AUTS2: variants seen among roughly 807,000 people sequenced by gnomAD.
AUTS2 encodes the protein activator of transcription and developmental regulator AUTS2, also known as autism susceptibility gene 2 protein.
Under a neutral mutation model 112.4 loss-of-function variants are expected in AUTS2, and 17 were observed. The observed-to-expected ratio is 0.15, with a 90% CI of 0.10 to 0.23. The LOEUF (loss-of-function observed/expected upper bound fraction) is 0.23. Ranked by LOEUF, AUTS2 falls within the 10% of genes least tolerant of loss-of-function variation. The probability of loss-of-function intolerance (pLI) is 1.00; values close to 1 mark genes in which losing one functional copy is unlikely to be tolerated. For missense variants in AUTS2, 1,510 were observed against 1,701.6 expected (o/e 0.89, Z 1.98); for synonymous variants, 751 against 702.7 (o/e 1.07, Z -1.09).
intron 2 of AUTS2, among the ~76,000 whole-genome samples, chr7:69,980,688 G>A (rs1241664538): frequency 1.3e-5 from 2 of 152,068 alleles, no homozygotes; most frequent in South Asian, 2.1e-4. Flanking sequence ...GTAGAGCAGC[G>A]GTTTGCATCT....
intron 5 of AUTS2, among the ~76,000 whole-genome samples, chr7:70,511,736 C>T (rs548813417): frequency 1.3e-5 from 2 of 151,832 alleles, no homozygotes; most frequent in Non-Finnish European, 2.9e-5. Flanking sequence ...CCACCATGCT[C>T]AGCTAATTTT....
intron 5 of AUTS2, among the ~76,000 whole-genome samples, chr7:70,562,777 G>A (rs1053593893): frequency 5.3e-5 from 8 of 152,186 alleles, no homozygotes; most frequent in African/African-American, 1.4e-4. Flanking sequence ...GAAGCCATGC[G>A]TTATGAAGAA....
chr7:70,509,747 C>T (rs1006633784), intron 5 of AUTS2, among the ~76,000 whole-genome samples: 3 of 152,130 alleles, frequency 2.0e-5, no homozygotes, highest in African/African-American at 7.2e-5. Flanking sequence ...ATTTTACTCT[C>T]ATCAAGGACT....
intron 2 of AUTS2, among the ~76,000 whole-genome samples, chr7:70,053,745 A>G (rs560275563): frequency 4.6e-5 from 7 of 152,144 alleles, no homozygotes; most frequent in South Asian, 2.1e-4. Flanking sequence ...GGTCTCTACT[A>G]TGTTGCCCAG....
intron 4 of AUTS2, among the ~76,000 whole-genome samples, chr7:70,250,412 C>T (rs1236179488): frequency 6.6e-6 from 1 of 152,118 alleles, no homozygotes; most frequent in East Asian, 1.9e-4. Context: ...AGGTACAGAC[C>T]CAGAATCTGC....
chr7:69,998,387 A>G (rs1169880746), intron 2 of AUTS2, among the ~76,000 whole-genome samples: 2 of 152,144 alleles, frequency 1.3e-5, no homozygotes, highest in Admixed American at 1.3e-4. Context: ...TGTAATTCTA[A>G]GAGCTCCCTG....
chr7:69,973,169 A>G (rs1185432339), intron 2 of AUTS2, among the ~76,000 whole-genome samples: 2 of 152,162 alleles, frequency 1.3e-5, no homozygotes, highest in East Asian at 1.9e-4. Context: ...AATTAGATTT[A>G]TAACTATCAC....
intron 5 of AUTS2, among the ~76,000 whole-genome samples, chr7:70,509,262 C>T (rs1466231413): frequency 6.6e-6 from 1 of 152,198 alleles, no homozygotes; most frequent in Non-Finnish European, 1.5e-5. Flanking sequence ...CCTCATGGAG[C>T]TTCTGCTATG....
At chr7:69,962,037 A>T (rs1797451580) in intron 2 of AUTS2, among the ~76,000 whole-genome samples, 1 of 152,134 alleles carries the variant, frequency 6.6e-6, no homozygotes, top group African/African-American at 2.4e-5. Flanking sequence ...GCTTGCCCTG[A>T]TGATACGTAT....
At chr7:70,566,899 T>C (rs371032373) in intron 5 of AUTS2, among the ~76,000 whole-genome samples, 3 of 152,354 alleles carry the variant, frequency 2.0e-5, no homozygotes, top group African/African-American at 7.2e-5. Context: ...ATAAAGAGTG[T>C]TGGTCAGCTT....
intron 1 of AUTS2, among the ~76,000 whole-genome samples, chr7:69,724,701 A>G (rs560300062): frequency 6.6e-6 from 1 of 152,290 alleles, no homozygotes; most frequent in South Asian, 2.1e-4. Flanking sequence ...CTTAGTGATC[A>G]TTGTCCCCCC....
intron 5 of AUTS2, among the ~76,000 whole-genome samples, chr7:70,608,838 C>T (rs1169444022): frequency 3.3e-5 from 5 of 152,116 alleles, no homozygotes; most frequent in South Asian, 4.2e-4. Flanking sequence ...GTGACTTGCC[C>T]GATTAAATGC....
intron 1 of AUTS2, among the ~76,000 whole-genome samples, chr7:69,727,125 C>A (rs1474067456): frequency 1.3e-5 from 2 of 151,992 alleles, no homozygotes; most frequent in Non-Finnish European, 2.9e-5. Flanking sequence ...TCTTTGTTTT[C>A]TTCTAGAAGC....
intron 1 of AUTS2, among the ~76,000 whole-genome samples, chr7:69,787,256 A>G (rs1017827629): frequency 2.6e-5 from 4 of 152,354 alleles, no homozygotes; most frequent in East Asian, 3.9e-4. Flanking sequence ...ACATCTTTAC[A>G]TAACATAGTC....
intron 1 of AUTS2, among the ~76,000 whole-genome samples, chr7:69,829,708 A>G (rs1338473412): frequency 3.9e-5 from 6 of 152,146 alleles, no homozygotes; most frequent in Admixed American, 3.9e-4. Flanking sequence ...CCAAGTCAGA[A>G]TGGCCATTAT....
chr7:70,760,216 A>C (rs904223951), intron 6 of AUTS2, among the ~76,000 whole-genome samples: 2 of 152,230 alleles, frequency 1.3e-5, no homozygotes, highest in Admixed American at 6.5e-5. Flanking sequence ...CGTGTTAGCC[A>C]GGATGGTCTC....
chr7:69,648,151 A>G (rs1795118537), intron 1 of AUTS2, among the ~76,000 whole-genome samples: 1 of 152,152 alleles, frequency 6.6e-6, no homozygotes, highest in Admixed American at 6.5e-5. Context: ...TGCCTAGGAG[A>G]TTCTGATGCA....
At chr7:70,036,215 T>G (rs1407523618) in intron 2 of AUTS2, among the ~76,000 whole-genome samples, 1 of 152,218 alleles carries the variant, frequency 6.6e-6, no homozygotes, top group Non-Finnish European at 1.5e-5. Flanking sequence ...CAGTGTGGCT[T>G]GAAGCGTGCT....
intron 14 of AUTS2, among the ~76,000 whole-genome samples, chr7:70,780,279 C>T (rs947181230): frequency 3.3e-5 from 5 of 152,070 alleles, no homozygotes; most frequent in African/African-American, 1.2e-4. Flanking sequence ...AGAAGGATGC[C>T]AGGGGAAAAG....
Sources: allele counts gnomAD v4.1 joint callset (sites outside exome capture counted in the v4.1 genomes callset), GRCh38; gene constraint gnomAD v4.1.1; transcripts MANE v1.5; gene names NCBI Gene and HGNC (gene_info 2026-07-23, HGNC 2026-07-21).